Variants in PTPRR observed in about 807,000 individuals in gnomAD.
PTPRR encodes receptor-type tyrosine-protein phosphatase R.
In PTPRR, 38 loss-of-function variants were observed where a neutral mutation model predicts 77.2. The ratio of observed to expected loss-of-function variants is 0.49; its 90% CI spans 0.38 to 0.65. The LOEUF is 0.65. Among genes scored for constraint, PTPRR ranks in the 30% least tolerant of loss-of-function variants. The probability of loss-of-function intolerance (pLI) is 0.00; values close to 1 mark genes in which losing one functional copy is unlikely to be tolerated. For synonymous variants in PTPRR, 299 were observed against 283.1 expected (o/e 1.06, Z -0.57); for missense variants, 744 against 799.2 (o/e 0.93, Z 0.83).
intron 6 of PTPRR, among the ~76,000 whole-genome samples, chr12:70,710,154 C>T (rs916759492): frequency 1.8e-4 from 27 of 152,134 alleles, no homozygotes; most frequent in African/African-American, 6.0e-4. Context: ...TCAAACTATA[C>T]TACAGGGCTA....
At chr12:70,892,057 C>T (rs1315578064) in intron 2 of PTPRR, among the ~76,000 whole-genome samples, 1 of 152,016 alleles carries the variant, frequency 6.6e-6, no homozygotes, top group Non-Finnish European at 1.5e-5. Context: ...AAACCTCTGA[C>T]CTGGGTTATA....
intron 1 of PTPRR, among the ~76,000 whole-genome samples, chr12:70,904,734 C>A (rs1048370603): frequency 8.6e-5 from 13 of 151,722 alleles, no homozygotes; most frequent in African/African-American, 3.1e-4. Flanking sequence ...CATCTTTTCT[C>A]ATAACTAAAT....
At chr12:70,782,988 A>T (rs1373241455) in intron 2 of PTPRR, among the ~76,000 whole-genome samples, 1 of 152,160 alleles carries the variant, frequency 6.6e-6, no homozygotes, top group South Asian at 2.1e-4. Context: ...TTCACCTGGC[A>T]CATGGGAATG....
chr12:70,882,468 A>G (rs568253075), intron 2 of PTPRR, among the ~76,000 whole-genome samples: 4 of 152,274 alleles, frequency 2.6e-5, no homozygotes, highest in African/African-American at 9.6e-5. Flanking sequence ...TTATCATACT[A>G]AACACTTTGG....
At chr12:70,754,775 A>T in intron 4 of PTPRR, 1 of 1,508,634 alleles carries the variant, frequency 6.6e-7, no homozygotes, top group Non-Finnish European at 8.8e-7. Flanking sequence ...ATACAGCAAC[A>T]ATGCCAGCAT....
chr12:70,830,907 T>C (rs544081597), intron 2 of PTPRR, among the ~76,000 whole-genome samples: 1 of 152,352 alleles, frequency 6.6e-6, no homozygotes, highest in South Asian at 2.1e-4. Context: ...GGAAGGACTC[T>C]ACCTATTTTA....
intron 10 of PTPRR, among the ~76,000 whole-genome samples, chr12:70,663,671 C>A (rs181425757): frequency 1.7e-4 from 26 of 152,178 alleles, no homozygotes; most frequent in African/African-American, 6.3e-4. Flanking sequence ...TTTTTTACCA[C>A]AAATTTTGAT....
chr12:70,757,529 C>A (rs955372986), intron 4 of PTPRR, among the ~76,000 whole-genome samples: 4 of 152,028 alleles, frequency 2.6e-5, no homozygotes, highest in Non-Finnish European at 5.9e-5. Flanking sequence ...ATGTCTTTTC[C>A]TTTAAGAAAC....
intron 1 of PTPRR, among the ~76,000 whole-genome samples, chr12:70,909,137 A>G (rs1016021520): frequency 6.6e-6 from 1 of 152,160 alleles, no homozygotes; most frequent in Non-Finnish European, 1.5e-5. Context: ...AGGGTGAGGT[A>G]TTGGGTACCA....
At chr12:70,863,574 T>C (rs891032650) in intron 2 of PTPRR, among the ~76,000 whole-genome samples, 3 of 152,206 alleles carry the variant, frequency 2.0e-5, no homozygotes, top group Non-Finnish European at 2.9e-5. Flanking sequence ...GTCATCTTTT[T>C]AAATTTAGCA....
intron 2 of PTPRR, among the ~76,000 whole-genome samples, chr12:70,800,375 G>A (rs559512116): frequency 2.6e-5 from 4 of 151,568 alleles, no homozygotes; most frequent in Admixed American, 1.3e-4. Flanking sequence ...TGACACATTA[G>A]GCCAGTGAGT....
At chr12:70,822,157 A>G (rs972851527) in intron 2 of PTPRR, among the ~76,000 whole-genome samples, 1 of 152,238 alleles carries the variant, frequency 6.6e-6, no homozygotes, top group African/African-American at 2.4e-5. Context: ...AATGCAAAGG[A>G]AAGGCTGTAT....
intron 2 of PTPRR, among the ~76,000 whole-genome samples, chr12:70,866,458 TAC>T (rs1016117992): frequency 6.6e-6 from 1 of 152,076 alleles, no homozygotes; most frequent in Non-Finnish European, 1.5e-5. Context: ...CCTCGACACA[TAC>T]ACCCTCCCAA....
At chr12:70,840,128 C>T (rs11178450) in intron 2 of PTPRR, among the ~76,000 whole-genome samples, 32,273 of 151,994 alleles carry the variant, frequency 0.21, 3,678 homozygotes, top group East Asian at 0.4. Context: ...AAATCTGACA[C>T]GGTCTTACTA....
intron 4 of PTPRR, among the ~76,000 whole-genome samples, chr12:70,760,909 A>G (rs1017684492): frequency 2.0e-5 from 3 of 152,194 alleles, no homozygotes; most frequent in Non-Finnish European, 4.4e-5. Flanking sequence ...GGTAGAGGAA[A>G]TTTTTTAAAA....
chr12:70,794,251 C>A (rs1891471314), intron 2 of PTPRR, among the ~76,000 whole-genome samples: 1 of 152,132 alleles, frequency 6.6e-6, no homozygotes. Context: ...AAATACAGAC[C>A]TAATATGAGA....
At chr12:70,779,176 T>C (rs535348809) in intron 2 of PTPRR, among the ~76,000 whole-genome samples, 23 of 152,130 alleles carry the variant, frequency 1.5e-4, no homozygotes, top group African/African-American at 4.1e-4. Flanking sequence ...CTTTTTTTTT[T>C]TTTTTCTTTC....
chr12:70,812,768 G>A (rs1402944943), intron 2 of PTPRR, among the ~76,000 whole-genome samples: 1 of 152,082 alleles, frequency 6.6e-6, no homozygotes, highest in African/African-American at 2.4e-5. Context: ...CCCTCCTTAT[G>A]GATAAAACTA....
intron 2 of PTPRR, among the ~76,000 whole-genome samples, chr12:70,809,522 A>G (rs1397405542): frequency 6.6e-6 from 1 of 152,192 alleles, no homozygotes; most frequent in Non-Finnish European, 1.5e-5. Context: ...TATGTCGTAC[A>G]GTAGATAGCT....
Sources: gnomAD v4.1 joint callset for allele counts (sites outside exome capture counted in the v4.1 genomes callset) on GRCh38, gnomAD v4.1.1 for gene constraint, MANE v1.5 for transcripts, NCBI Gene and HGNC (gene_info 2026-07-23, HGNC 2026-07-21) for gene names.